The following SARDH variants were observed in gnomAD, a reference collection of about 807,000 sequenced individuals.
SARDH encodes sarcosine dehydrogenase, mitochondrial.
A neutral mutation model predicts 109.1 loss-of-function variants in SARDH; 95 were observed. The observed-to-expected ratio is 0.87, with a 90% CI of 0.74 to 1.03. The LOEUF (loss-of-function observed/expected upper bound fraction) is 1.03, where lower values mean the gene tolerates loss of function less well. SARDH is among the 50% of genes least tolerant of loss of function. The pLI is 0.00. For synonymous variants in SARDH, 572 were observed against 534.8 expected, an observed-to-expected ratio of 1.07 and a Z score of -0.96; for missense variants, 1,267 against 1,287.8, an observed-to-expected ratio of 0.98 and a Z score of 0.25.
chr9:133,700,427 C>T (rs1831438980), intron 13 of SARDH, among the ~76,000 whole-genome samples: 1 of 152,034 alleles, frequency 6.6e-6, no homozygotes, highest in South Asian at 2.1e-4. Flanking sequence ...GAATATCACG[C>T]TAAGTGGAAG....
intron 6 of SARDH, chr9:133,725,663 G>A (rs1832464627): frequency 8.6e-6 from 2 of 231,818 alleles, no homozygotes; most frequent in Non-Finnish European, 1.8e-5. Context: ...GCAACAAAGT[G>A]AAACTCTGTC....
intron 15 of SARDH, among the ~76,000 whole-genome samples, chr9:133,691,473 C>G (rs1831094864): frequency 1.3e-5 from 2 of 152,218 alleles, no homozygotes; most frequent in South Asian, 2.1e-4. Flanking sequence ...AGTGAGAAGG[C>G]AGGGTGGCCG....
In SARDH at chr9:133,731,443, C is replaced by G; in HGVS notation, c.552G>C (p.Pro184=). Residue 184 remains proline (P), a synonymous_variant, in exon 4 of 21, where the codon CCG becomes CCC. Transcript: ENST00000439388. ...GCGGGTACAGAGTCTTGGTCTCTGC[C>G]GGGCTCAGCACATGGGATTCCACAC... is the stretch of plus-strand genomic sequence containing the variant. ...AYGVESHVLS[P]AETKTLYPLM... is the part of the protein sequence containing the mutation. 6.2e-7 allele frequency: 1 copy of G among 1,614,140 alleles called. No homozygotes were observed. The highest frequency in any genetic ancestry group is 8.5e-7 in the Non-Finnish European group (1 of 1,180,012).
intron 20 of SARDH, among the ~76,000 whole-genome samples, chr9:133,664,573 G>A (rs899793837): frequency 1.1e-4 from 16 of 152,272 alleles, no homozygotes; most frequent in African/African-American, 3.1e-4. Context: ...AGCTGGTGAC[G>A]CCTGGCACTT....
chr9:133,675,089 A>C (rs915368451), intron 17 of SARDH, among the ~76,000 whole-genome samples: 29 of 152,202 alleles, frequency 1.9e-4, no homozygotes, highest in African/African-American at 6.8e-4. Flanking sequence ...CATGCCTGTA[A>C]TCCCAGCACT....
At position 133,672,672 on chromosome 9, in the gene SARDH, G is replaced by C. The variant is rs143089084; in HGVS notation, c.2164-975C>G. The stretch of plus-strand genomic sequence containing the variant: ...CAGCCCCGGCCCAGCACCGGGCTCT[G>C]AAGACAGCCATAGCCTCTGCCCTTC... On this transcript the variant is annotated intron_variant, in intron 17 of 20. Transcript: ENST00000439388. Among the ~76,000 whole-genome samples the C allele has an allele frequency of 5.0e-3, 769 of 152,340 alleles. 12 individuals are homozygous for C. Among genetic ancestry groups the C allele is most frequent in the African/African-American group, 0.016 (676 of 41,574 alleles).
Position 133,663,752 on chromosome 9 carries a change from G to A in SARDH, c.*137C>T. ...GTCTCTGTCCGTATCTGGTTTGGGGGTTTTCGCAGGACTAGGCCTAGGCTA... is the reference window on the plus strand; with the variant it reads ...GTCTCTGTCCGTATCTGGTTTGGGGATTTTCGCAGGACTAGGCCTAGGCTA... On this transcript the variant is annotated 3_prime_UTR_variant, in exon 21 of 21. Coordinates refer to ENST00000439388, the MANE Select transcript of SARDH (RefSeq NM_001134707.2). 1.6e-6 allele frequency: 2 copies of A among 1,253,450 alleles called. No homozygotes were observed. Among genetic ancestry groups the A allele is most frequent in the South Asian group, 1.4e-5 (1 of 69,146 alleles). The allele number at this position is 1,253,450 out of a possible 1,614,324, so 77.6% of individuals were successfully genotyped here. A position where few individuals can be genotyped will look rare whatever the true frequency, so the allele number is the denominator to read the frequency against.
intron 19 of SARDH, among the ~76,000 whole-genome samples, chr9:133,669,824 T>C (rs535190524): frequency 6.6e-6 from 1 of 152,308 alleles, no homozygotes; most frequent in East Asian, 1.9e-4. Context: ...CAGAACGGGA[T>C]GGGAGGTCGT....
At chr9:133,667,197 T>G (rs899031878) in intron 19 of SARDH, 7,260 of 56,792 alleles carry the variant, frequency 0.13, 35 homozygotes, top group East Asian at 0.42. Flanking sequence ...AACTCTGGTT[T>G]TTTTTTTTTT....
chr9:133,708,625 C>G (rs1399326438), intron 10 of SARDH, among the ~76,000 whole-genome samples, 197 bp from the exon 11 acceptor site: 1 of 152,144 alleles, frequency 6.6e-6, no homozygotes, highest in Non-Finnish European at 1.5e-5. Flanking sequence ...GCCACCCCAC[C>G]CCAGTGGCCC....
At chr9:133,717,296 G>T in intron 8 of SARDH, 30 bp downstream of exon 8, 1 of 1,612,078 alleles carries the variant, frequency 6.2e-7, no homozygotes. Context: ...ACCCATGGAC[G>T]CCCACCCCAG....
In SARDH at chr9:133,728,117, C is replaced by T. The variant is rs780237376; in HGVS notation, c.915+1648G>A. 1.3e-5 allele frequency among the ~76,000 whole-genome samples: 2 copies of T among 152,178 alleles called. No homozygotes were observed. Among genetic ancestry groups the T allele is most frequent in the South Asian group, 2.1e-4 (1 of 4,830 alleles). The stretch of plus-strand genomic sequence containing the variant: ...GTGTGACTACTCTTAGTCCCTAACC[C>T]GGCACATGGCACCAGCCACCTGCAG... On this transcript the variant is annotated intron_variant, in intron 6 of 20. Transcript: ENST00000439388. The surrounding 1 kb of genome is among the most constrained non-coding windows in gnomAD (Gnocchi z 5.0).
chr9:133,729,880 C>G lies in SARDH; in HGVS notation c.815-15G>C. On this transcript the variant is annotated splice_polypyrimidine_tract_variant and intron_variant, in intron 5 of 20. Coordinates refer to ENST00000439388, the MANE Select transcript of SARDH (RefSeq NM_001134707.2). ...TGCCCACACTCCTGCGGGCAGAGCA[C>G]AGACAGCTCAGCTCTGCTGACACCT... 1.2e-6 allele frequency: 2 copies of G among 1,610,336 alleles called. No individual in the cohort carries two copies. Among genetic ancestry groups the G allele is most frequent in the Non-Finnish European group, 1.7e-6 (2 of 1,179,350 alleles).
rs200897249 is a variant in SARDH, at chr9:133,690,523, G to A, written c.1926C>T (p.Asp642=). 786 of 1,598,050 alleles carry A rather than the reference G, an allele frequency of 4.9e-4. 3 individuals carry two copies. The South Asian group carries it at 5.7e-3, about 12-fold the overall frequency. The change falls in exon 16 of 21, where the codon GAC becomes GAT. Residue 642 remains aspartate (D), a synonymous_variant. Coordinates refer to ENST00000439388, the MANE Select transcript of SARDH (RefSeq NM_001134707.2). Reference sequence around the variant, plus strand: ...CCCCGCCCATGGCCAGGTAGTAACCGTCCCCTGGAAGAGAGGCACCTGGAC... The same window carrying A: ...CCCCGCCCATGGCCAGGTAGTAACCATCCCCTGGAAGAGAGGCACCTGGAC... The part of the protein sequence containing the change: ...ASPLAPAFEG[D]GYYLAMGGAV...
chr9:133,664,418 T>C (rs1186475567), intron 20 of SARDH, among the ~76,000 whole-genome samples: 1 of 152,236 alleles, frequency 6.6e-6, no homozygotes, highest in Non-Finnish European at 1.5e-5. Context: ...CAGGGGCGGC[T>C]GGAACAGCCT....
chr9:133,732,298 A>G, intron 3 of SARDH, 125 bp downstream of exon 3: 2 of 285,128 alleles, frequency 7.0e-6, no homozygotes, highest in African/African-American at 3.3e-5. Flanking sequence ...CCCCCAGCGT[A>G]CCTCCACCCT....
At chr9:133,675,999 G>C (rs1222928355) in intron 17 of SARDH, among the ~76,000 whole-genome samples, 2 of 151,772 alleles carry the variant, frequency 1.3e-5, no homozygotes, top group Non-Finnish European at 2.9e-5. Flanking sequence ...AGGCTGAAGG[G>C]GGGAGGATCA....
rs1458403702 is a variant in SARDH, at chr9:133,693,505, G to A, written c.1921+753C>T. On this transcript the variant is annotated intron_variant, in intron 15 of 20. Transcript: ENST00000439388. The surrounding 1 kb of genome is among the most constrained non-coding windows in gnomAD (Gnocchi z 5.6). ...TGCCCCGGGGACAGCACAGAGAGCT[G>A]CACGGTCAGCACCTTCCCCTGTGCA... is the stretch of plus-strand genomic sequence containing the variant. 2.6e-5 allele frequency among the ~76,000 whole-genome samples: 4 copies of A among 152,248 alleles called. No homozygotes were observed. Among genetic ancestry groups the A allele is most frequent in the African/African-American group, 9.6e-5 (4 of 41,456 alleles).
In SARDH at chr9:133,704,947, C is replaced by A; in HGVS notation, c.1554+1G>T. 6.4e-7 allele frequency: 1 copy of A among 1,573,492 alleles called. No individual in the cohort carries two copies. The highest frequency in any genetic ancestry group is 8.6e-7 in the Non-Finnish European group (1 of 1,159,824). On this transcript the variant is annotated splice_donor_variant, in intron 12 of 20. Transcript: ENST00000439388. LOFTEE classifies it high-confidence loss of function. The surrounding 1 kb of genome is among the most constrained non-coding windows in gnomAD (Gnocchi z 4.5). ...AGCACAGCCCAGCAGGCACTACTCA[C>A]CGGAGCTGGGCCTCGGGGATGAAAC...
Sources: gnomAD v4.1 joint callset for allele counts (sites outside exome capture counted in the v4.1 genomes callset) on GRCh38, gnomAD v4.1.1 for gene constraint, Gnocchi (gnomAD v3.1) non-coding constraint, MANE v1.5 for transcripts, NCBI Gene and HGNC (gene_info 2026-07-23, HGNC 2026-07-21) for gene names.